Variants in CEP120 observed in about 807,000 individuals in gnomAD.
CEP120 encodes centrosomal protein of 120 kDa.
Under a neutral mutation model 126.5 loss-of-function variants are expected in CEP120, and 113 were observed. The ratio of observed to expected loss-of-function variants is 0.89; its 90% CI spans 0.77 to 1.04. The LOEUF is 1.04. Ranked by LOEUF, CEP120 falls within the 50% of genes least tolerant of loss-of-function variation. CEP120 has a pLI of 0.00. For missense variants in CEP120, 1,230 were observed against 1,155.7 expected (o/e 1.06, Z -0.93); for synonymous variants, 400 against 394.3 (o/e 1.01, Z -0.17).
At chr5:123,412,859 C>T (rs529136631) in intron 3 of CEP120, among the ~76,000 whole-genome samples, 5 of 152,264 alleles carry the variant, frequency 3.3e-5, no homozygotes, top group African/African-American at 1.2e-4. Context: ...CACTTCATCC[C>T]TTAAACAACA....
At chr5:123,358,160 T>G (rs984554426) in intron 18 of CEP120, 2 of 151,888 alleles carry the variant, frequency 1.3e-5, no homozygotes, top group African/African-American at 4.8e-5. Context: ...TAAGCAATGT[T>G]GTTTGCAAAA....
At chr5:123,420,788 T>C (rs1000146820) in intron 1 of CEP120, among the ~76,000 whole-genome samples, 3 of 152,234 alleles carry the variant, frequency 2.0e-5, no homozygotes, top group Non-Finnish European at 4.4e-5. Flanking sequence ...GCACTCACAA[T>C]GTAAACTCAT....
In CEP120 at chr5:123,383,068, A is replaced by G. The variant is rs768518754; in HGVS notation, c.1778T>C (p.Ile593Thr). Residue 593 changes from isoleucine to threonine, a missense_variant, in exon 12 of 20, where the codon ATA becomes ACA. Ile to Thr is a moderately conservative substitution (Grantham distance 89). Coordinates refer to ENST00000306467, the MANE Select transcript of CEP120 (RefSeq NM_001375405.1). Reference protein sequence around the residue: ...VIAAQGSNNRIADLSYTVTLE... With the variant: ...VIAAQGSNNRTADLSYTVTLE... ...AGTCACTGTGTAAGAAAGATCTGCT[A>G]TCCTGTTATTTGATCTACAAATAAA... 1 of 1,511,246 alleles carries G rather than the reference A, an allele frequency of 6.6e-7. No homozygotes were observed. 93.6% of individuals were successfully genotyped at this position (1,511,246 alleles called of 1,614,324 possible).
chr5:123,377,184 T>C (rs902361941), intron 16 of CEP120, among the ~76,000 whole-genome samples, 190 bp downstream of exon 16: 2 of 152,112 alleles, frequency 1.3e-5, no homozygotes, highest in African/African-American at 4.8e-5. Flanking sequence ...ACCTGAAATA[T>C]GCACAATTTC....
intron 14 of CEP120, among the ~76,000 whole-genome samples, chr5:123,380,436 T>C (rs1248084383): frequency 1.3e-5 from 2 of 152,128 alleles, no homozygotes; most frequent in Non-Finnish European, 2.9e-5. Context: ...GGCATCATAT[T>C]GTTTTCTGAC....
rs1241859434 is a variant in CEP120 at position 123,386,634 on chromosome 5, A to T, written c.1464T>A (p.Pro488=). 1 of 1,514,888 alleles carries T rather than the reference A, an allele frequency of 6.6e-7. No individual in the cohort carries two copies. The highest frequency in any genetic ancestry group is 1.2e-5 in the South Asian group (1 of 84,372). 93.8% of individuals were successfully genotyped at this position (1,514,888 alleles called of 1,614,324 possible). ...CTTCTACAGGAGGATTAGTCATAATAGGAGCTGCACTTCCAAAGAATGGAT... is the reference window on the plus strand; with the variant it reads ...CTTCTACAGGAGGATTAGTCATAATTGGAGCTGCACTTCCAAAGAATGGAT... The part of the protein sequence containing the change: ...YSYPFFGSAA[P]IMTNPPVEVR... The change falls in exon 10 of 20, where the codon CCT becomes CCA. Residue 488 remains proline, a synonymous_variant. Coordinates refer to ENST00000306467, the MANE Select transcript of CEP120 (RefSeq NM_001375405.1).
At chr5:123,403,996 T>C (rs1773464104) in intron 4 of CEP120, among the ~76,000 whole-genome samples, 1 of 152,232 alleles carries the variant, frequency 6.6e-6, no homozygotes, top group Non-Finnish European at 1.5e-5. Context: ...AATGTATCAA[T>C]GTTTCATTAA....
chr5:123,368,160 G>T (rs1244092467), intron 17 of CEP120, among the ~76,000 whole-genome samples: 1 of 151,910 alleles, frequency 6.6e-6, no homozygotes, highest in Non-Finnish European at 1.5e-5. Context: ...ATAGTTGGAA[G>T]AAATTTTAAA....
Position 123,399,205 on chromosome 5 carries a change from T to A in CEP120, c.543A>T (p.Gly181=). 1 of 1,614,058 alleles carries A rather than the reference T, an allele frequency of 6.2e-7. No individual in the cohort carries two copies. Among genetic ancestry groups the A allele is most frequent in the Non-Finnish European group, 8.5e-7 (1 of 1,179,902 alleles). Residue 181 remains glycine (G), a synonymous_variant, in exon 5 of 20, where the codon GGA becomes GGT. Coordinates refer to ENST00000306467, the MANE Select transcript of CEP120 (RefSeq NM_001375405.1). ...LNEEGGYHQI[G]PAEYCTDSFI... is the part of the protein sequence containing the mutation. ...AGGAGTCAGTACAGTATTCTGCTGG[T>A]CCAATCTGATGGTAGCCTCCCTCTT... is the stretch of plus-strand genomic sequence containing the variant.
At chr5:123,369,775 C>CT (rs1176865823) in intron 17 of CEP120, among the ~76,000 whole-genome samples, 1 of 151,980 alleles carries the variant, frequency 6.6e-6, no homozygotes, top group Non-Finnish European at 1.5e-5. Context: ...ATGACATCAC[C>CT]TTTTTTATTA....
At chr5:123,355,671 T>G (rs1268401957) in intron 18 of CEP120, among the ~76,000 whole-genome samples, 2 of 152,046 alleles carry the variant, frequency 1.3e-5, no homozygotes, top group Non-Finnish European at 2.9e-5. Context: ...CATTGTAGAT[T>G]CTGGATATTA....
At chr5:123,413,020 A>G (rs1774161620) in intron 3 of CEP120, among the ~76,000 whole-genome samples, 1 of 152,108 alleles carries the variant, frequency 6.6e-6, no homozygotes, top group Admixed American at 6.6e-5. Context: ...TAATCCCAAC[A>G]CTTTGGAAGG....
chr5:123,423,104 G>T lies in CEP120; in HGVS notation c.-106C>A. 2.2e-6 allele frequency: 2 copies of T among 913,934 alleles called. No individual in the cohort carries two copies. The highest frequency in any genetic ancestry group is 3.5e-6 in the Non-Finnish European group (2 of 563,602). 56.6% of individuals were successfully genotyped at this position (913,934 alleles called of 1,614,324 possible). ...GGCGGGACCCCCACTGCCCGCCCCC[G>T]GTCCCTGATGCCCGGACCCCGCTCC... On this transcript the variant is annotated 5_prime_UTR_variant, in exon 1 of 20. Coordinates refer to ENST00000306467, the MANE Select transcript of CEP120 (RefSeq NM_001375405.1).
At chr5:123,412,641 G>T in intron 3 of CEP120, 101 bp from the exon 4 acceptor site, 1 of 797,468 alleles carries the variant, frequency 1.3e-6, no homozygotes, top group Non-Finnish European at 1.8e-6. Flanking sequence ...TAGCTTTTCA[G>T]TACTTTATAA....
chr5:123,401,588 C>A, intron 4 of CEP120: 2 of 1,405,580 alleles, frequency 1.4e-6, no homozygotes, highest in Non-Finnish European at 2.0e-6. Context: ...GTCCAGGGAG[C>A]GGCTGTTGTC....
chr5:123,412,361 A>T lies in CEP120; in HGVS notation c.463+38T>A, dbSNP rs75909197. ...TCCTAAAGCTCTAGTCCAAAGATGG[A>T]ACTTCTCAGAGAATGTTTTTAGAGA... is the stretch of plus-strand genomic sequence containing the variant. On this transcript the variant is annotated intron_variant, in intron 4 of 19. Transcript: ENST00000306467. 6,802 of 1,571,364 alleles carry T rather than the reference A, an allele frequency of 4.3e-3. 241 individuals carry two copies. In the African/African-American group the frequency reaches 0.082, roughly 19 times the overall value.
In CEP120 at chr5:123,378,440, TAAAAAAA is replaced by T. The variant is rs76942218; in HGVS notation, c.2104-19_2104-13del. ...GTATATTCAGCCACCTAAAATATAG[TAAAAAAA>T]AAAAAAAAAAAGTTACCTACCTTCT... On this transcript the variant is annotated splice_polypyrimidine_tract_variant and intron_variant, in intron 14 of 19. Transcript: ENST00000306467. The T allele has an allele frequency of 6.5e-3, 6,812 of 1,055,582 alleles. No individual in the cohort carries two copies. The highest frequency in any genetic ancestry group is 7.5e-3 in the South Asian group (375 of 49,926). 65.4% of individuals were successfully genotyped at this position (1,055,582 alleles called of 1,614,324 possible). A position where few individuals can be genotyped will look rare whatever the true frequency, so the allele number is the denominator to read the frequency against.
At position 123,386,669 on chromosome 5, in the gene CEP120, T is replaced by G; in HGVS notation, c.1431-2A>C. 1 of 575,970 alleles carries G rather than the reference T, an allele frequency of 1.7e-6. No homozygotes were observed. Among genetic ancestry groups the G allele is most frequent in the Non-Finnish European group, 2.4e-6 (1 of 414,960 alleles). 35.7% of individuals were successfully genotyped at this position (575,970 alleles called of 1,614,324 possible). ...CTTCCAAAGAATGGATATGAGTACCTAGAATTTAAAAAAAAAAAAAAAAAA... is the reference window on the plus strand; with the variant it reads ...CTTCCAAAGAATGGATATGAGTACCGAGAATTTAAAAAAAAAAAAAAAAAA... On this transcript the variant is annotated splice_acceptor_variant, in intron 9 of 19. Transcript: ENST00000306467. LOFTEE classifies it high-confidence loss of function.
chr5:123,393,208 A>AAGTTTAGGTACTAAACTCTCGTTT, intron 6 of CEP120, 92 bp downstream of exon 6: 1 of 1,110,056 alleles, frequency 9.0e-7, no homozygotes, highest in East Asian at 2.4e-5. Context: ...AAATAGGATT[A>AAGTTTAGGTACTAAACTCTCGTTT]AGTTTAGGTA....
Sources: gnomAD v4.1 joint callset for allele counts (sites outside exome capture counted in the v4.1 genomes callset) on GRCh38, gnomAD v4.1.1 for gene constraint, MANE v1.5 for transcripts, NCBI Gene and HGNC (gene_info 2026-07-23, HGNC 2026-07-21) for gene names.